ACVR1C: variants seen among roughly 807,000 people sequenced by gnomAD.
The protein encoded by ACVR1C is activin receptor type-1C.
A neutral mutation model predicts 57.9 loss-of-function variants in ACVR1C; 23 were observed. The ratio of observed to expected loss-of-function variants is 0.40; its 90% CI spans 0.29 to 0.56. ACVR1C has a LOEUF of 0.56. ACVR1C is among the 20% of genes least tolerant of loss of function. The pLI is 0.50. For synonymous variants in ACVR1C, 214 were observed against 215.3 expected, an observed-to-expected ratio of 0.99 and a Z score of 0.05; for missense variants, 480 against 607.9, an observed-to-expected ratio of 0.79 and a Z score of 2.21.
chr2:157,549,769 A>C (rs1211066050), intron 4 of ACVR1C, among the ~76,000 whole-genome samples: 1 of 149,006 alleles, frequency 6.7e-6, no homozygotes, highest in African/African-American at 2.5e-5. Context: ...GCAGATCACG[A>C]GGTCAGGAGA....
intron 3 of ACVR1C, among the ~76,000 whole-genome samples, chr2:157,555,644 C>T (rs1475879812): frequency 6.6e-6 from 1 of 152,042 alleles, no homozygotes. Context: ...ATCCTCATAC[C>T]CACAAGCAAA....
intron 2 of ACVR1C, among the ~76,000 whole-genome samples, chr2:157,577,684 A>C (rs1166878068): frequency 6.6e-6 from 1 of 152,114 alleles, no homozygotes; most frequent in Non-Finnish European, 1.5e-5. Context: ...ATTTAATTGA[A>C]TTTGTTTTCT....
At chr2:157,618,955 G>A (rs961381963) in intron 1 of ACVR1C, among the ~76,000 whole-genome samples, 1 of 151,792 alleles carries the variant, frequency 6.6e-6, no homozygotes, top group East Asian at 1.9e-4. Context: ...GTAAATTAGA[G>A]ATGTCAACAA....
intron 2 of ACVR1C, 36 bp from the exon 3 acceptor site, chr2:157,556,368 C>T: frequency 6.2e-7 from 1 of 1,601,756 alleles, no homozygotes; most frequent in Middle Eastern, 1.7e-4. Flanking sequence ...GACCATAAAT[C>T]AAACCATTTT....
intron 1 of ACVR1C, among the ~76,000 whole-genome samples, chr2:157,588,470 A>G (rs964549589): frequency 1.3e-5 from 2 of 151,836 alleles, no homozygotes; most frequent in African/African-American, 2.4e-5. Context: ...TAGGAGTACA[A>G]GTTGTTTTGG....
chr2:157,586,282 G>C (rs1688919841), intron 2 of ACVR1C, among the ~76,000 whole-genome samples: 1 of 151,848 alleles, frequency 6.6e-6, no homozygotes, highest in Non-Finnish European at 1.5e-5. Context: ...ATTAAAAGGT[G>C]GTTAGTTTAT....
chr2:157,589,117 C>G (rs1689001829), intron 1 of ACVR1C, among the ~76,000 whole-genome samples: 1 of 151,576 alleles, frequency 6.6e-6, no homozygotes, highest in Admixed American at 6.6e-5. Flanking sequence ...ATACTGTTTT[C>G]CATAGACACT....
intron 2 of ACVR1C, among the ~76,000 whole-genome samples, chr2:157,569,585 C>G: frequency 1.3e-5 from 1 of 77,406 alleles, no homozygotes. Context: ...CTACAAACAC[C>G]TCTACGCAAA....
Position 157,613,037 on chromosome 2 carries a change from C to A in ACVR1C, c.73+15535G>T, listed in dbSNP as rs571914455. Among the ~76,000 whole-genome samples, 170 of 152,310 alleles carry A rather than the reference C, an allele frequency of 1.1e-3. 1 individual carries two copies. Among genetic ancestry groups the A allele is most frequent in the Non-Finnish European group, 2.0e-3 (134 of 68,028 alleles). On this transcript the variant is annotated intron_variant, in intron 1 of 8. Coordinates refer to ENST00000243349, the MANE Select transcript of ACVR1C (RefSeq NM_145259.3). The stretch of plus-strand genomic sequence containing the variant: ...GTCCATGTTAGTCTAAGGGTTCATA[C>A]AGGTAGAGGAGCTCTCCCATGGCAA...
intron 1 of ACVR1C, among the ~76,000 whole-genome samples, chr2:157,608,501 T>G (rs1682458386): frequency 6.6e-6 from 1 of 151,912 alleles, no homozygotes; most frequent in South Asian, 2.1e-4. Context: ...CCTTAAAAAA[T>G]GAGTTTAGGA....
chr2:157,593,995 A>C (rs1229355337), intron 1 of ACVR1C, among the ~76,000 whole-genome samples: 1 of 152,186 alleles, frequency 6.6e-6, no homozygotes, highest in Non-Finnish European at 1.5e-5. Context: ...TGCACAAAGT[A>C]GCAATTACGT....
At chr2:157,598,490 T>C (rs1176454057) in intron 1 of ACVR1C, among the ~76,000 whole-genome samples, 1 of 151,670 alleles carries the variant, frequency 6.6e-6, no homozygotes, top group Admixed American at 6.6e-5. Flanking sequence ...AAATTTCAAA[T>C]GTGGATAAAC....
chr2:157,532,380 T>G lies in ACVR1C; in HGVS notation c.*1538A>C, dbSNP rs555542376. 31 of 151,934 alleles carry G rather than the reference T, an allele frequency of 2.0e-4. No homozygotes were observed. The East Asian group carries it at 3.1e-3, about 15-fold the overall frequency. 9.4% of individuals were successfully genotyped at this position (151,934 alleles called of 1,614,324 possible). The stretch of plus-strand genomic sequence containing the variant: ...ATTTCTTTACTGTTATTAGTTTTTT[T>G]TTTTTTTTTTACTGTTATCAATAGC... On this transcript the variant is annotated 3_prime_UTR_variant, in exon 9 of 9. Coordinates refer to ENST00000243349, the MANE Select transcript of ACVR1C (RefSeq NM_145259.3).
intron 8 of ACVR1C, among the ~76,000 whole-genome samples, chr2:157,537,577 A>G (rs1488935230): frequency 6.6e-6 from 1 of 152,124 alleles, no homozygotes; most frequent in African/African-American, 2.4e-5. Context: ...GTTGAGAAAC[A>G]TGAAGGAAGA....
At chr2:157,621,390 G>A (rs1182301370) in intron 1 of ACVR1C, among the ~76,000 whole-genome samples, 1 of 152,090 alleles carries the variant, frequency 6.6e-6, no homozygotes, top group Non-Finnish European at 1.5e-5. Flanking sequence ...TGTAAATAAG[G>A]TCTTCCTTGT....
At chr2:157,553,482 T>C (rs545527122) in intron 3 of ACVR1C, among the ~76,000 whole-genome samples, 1 of 152,100 alleles carries the variant, frequency 6.6e-6, no homozygotes, top group East Asian at 1.9e-4. Flanking sequence ...GGTTTAAACA[T>C]GCAAAAAACA....
intron 2 of ACVR1C, among the ~76,000 whole-genome samples, chr2:157,582,591 A>C (rs1475054904): frequency 6.6e-6 from 1 of 152,206 alleles, no homozygotes; most frequent in African/African-American, 2.4e-5. Flanking sequence ...AGGCATCTAC[A>C]AAAAAATCCA....
chr2:157,536,150 T>A (rs1687482082), intron 8 of ACVR1C, among the ~76,000 whole-genome samples: 1 of 152,054 alleles, frequency 6.6e-6, no homozygotes, highest in African/African-American at 2.4e-5. Context: ...ATAGAAAATA[T>A]GAGTGAATAA....
chr2:157,552,444 TGCAG>T (rs2105219208), intron 3 of ACVR1C, among the ~76,000 whole-genome samples: 1 of 152,236 alleles, frequency 6.6e-6, no homozygotes, highest in East Asian at 1.9e-4. Context: ...GGACTGTTTT[TGCAG>T]GCAACAATCA....
Sources: allele counts gnomAD v4.1 joint callset (sites outside exome capture counted in the v4.1 genomes callset), GRCh38; gene constraint gnomAD v4.1.1; transcripts MANE v1.5; gene names NCBI Gene and HGNC (gene_info 2026-07-23, HGNC 2026-07-21).